The following APP variants were observed in gnomAD, a reference collection of about 807,000 sequenced individuals.
The protein encoded by APP is amyloid beta precursor protein.
APP carries 31 observed loss-of-function variants against 101.4 expected under a neutral mutation model. The observed-to-expected ratio is 0.31, with a 90% CI of 0.23 to 0.41. The LOEUF (loss-of-function observed/expected upper bound fraction) is 0.41. Ranked by LOEUF, APP falls within the 10% of genes least tolerant of loss-of-function variation. APP has a pLI of 1.00. For synonymous variants in APP, 366 were observed against 364.4 expected, an observed-to-expected ratio of 1.00 and a Z score of -0.05; for missense variants, 839 against 1,003.7, an observed-to-expected ratio of 0.84 and a Z score of 2.22.
At chr21:26,062,230 A>AACACACAC (rs55971567) in intron 3 of APP, among the ~76,000 whole-genome samples, 1,522 of 145,078 alleles carry the variant, frequency 0.01, 14 homozygotes, top group Non-Finnish European at 0.016. Flanking sequence ...CAAACAAACA[A>AACACACAC]ACACACACAC....
chr21:25,946,905 T>C (rs997950718), intron 13 of APP, among the ~76,000 whole-genome samples: 1 of 152,202 alleles, frequency 6.6e-6, no homozygotes, highest in Non-Finnish European at 1.5e-5. Context: ...CACTGAATTA[T>C]ACATATTAAG....
At chr21:26,130,717 G>A (rs1021021097) in intron 1 of APP, among the ~76,000 whole-genome samples, 1 of 152,150 alleles carries the variant, frequency 6.6e-6, no homozygotes, top group African/African-American at 2.4e-5. Flanking sequence ...TTCTAGATGC[G>A]TCAGGTCTGG....
At chr21:26,094,435 A>C (rs1357183815) in intron 2 of APP, among the ~76,000 whole-genome samples, 1 of 152,070 alleles carries the variant, frequency 6.6e-6, no homozygotes. Context: ...CAAAAAAAGA[A>C]ACAAACACGT....
chr21:25,953,651 T>C (rs1451742059), intron 13 of APP, among the ~76,000 whole-genome samples: 1 of 152,224 alleles, frequency 6.6e-6, no homozygotes, highest in African/African-American at 2.4e-5. Context: ...TATGCTTATA[T>C]TGAAAGATGC....
At chr21:26,013,967 T>C (rs983510323) in intron 6 of APP, among the ~76,000 whole-genome samples, 1 of 152,206 alleles carries the variant, frequency 6.6e-6, no homozygotes, top group African/African-American at 2.4e-5. Flanking sequence ...GTCACATCTA[T>C]GGTCAGTGCT....
intron 8 of APP, among the ~76,000 whole-genome samples, chr21:25,994,340 T>C (rs1281205811): frequency 6.6e-6 from 1 of 152,190 alleles, no homozygotes; most frequent in Non-Finnish European, 1.5e-5. Context: ...GGTTTTTTTT[T>C]AATGATTTGA....
intron 6 of APP, among the ~76,000 whole-genome samples, chr21:26,017,799 A>C (rs886084501): frequency 6.6e-6 from 1 of 152,230 alleles, no homozygotes; most frequent in African/African-American, 2.4e-5. Flanking sequence ...ATTAGGAGCA[A>C]GTATCTAAAT....
At chr21:25,973,861 A>T (rs1000904941) in intron 11 of APP, among the ~76,000 whole-genome samples, 1 of 150,938 alleles carries the variant, frequency 6.6e-6, no homozygotes, top group Non-Finnish European at 1.5e-5. Context: ...AATTGCTTAA[A>T]CCCAGGAGAC....
At chr21:25,900,987 C>CAAAAAAAAAAAAAAAAAAAA (rs71183520) in intron 15 of APP, among the ~76,000 whole-genome samples, 58 of 118,536 alleles carry the variant, frequency 4.9e-4, no homozygotes, top group East Asian at 3.8e-3. Flanking sequence ...GACTCCATCT[C>CAAAAAAAAAAAAAAAAAAAA]AAAAAAAAAA....
intron 11 of APP, among the ~76,000 whole-genome samples, chr21:25,957,874 C>G (rs1288734206): frequency 6.6e-6 from 1 of 151,946 alleles, no homozygotes; most frequent in Non-Finnish European, 1.5e-5. Flanking sequence ...GTTCCAGCTA[C>G]TTGGGAAGCT....
At chr21:25,899,116 A>AC (rs1157741769) in intron 15 of APP, among the ~76,000 whole-genome samples, 1 of 152,158 alleles carries the variant, frequency 6.6e-6, no homozygotes, top group Non-Finnish European at 1.5e-5. Context: ...GTCACTCTAT[A>AC]CCTGGCTTAC....
intron 5 of APP, among the ~76,000 whole-genome samples, chr21:26,027,261 G>C (rs999898975): frequency 2.6e-5 from 4 of 152,028 alleles, no homozygotes; most frequent in Admixed American, 6.6e-5. Flanking sequence ...TTCCTCTGTG[G>C]ATATGAAAAT....
intron 13 of APP, chr21:25,945,550 T>G (rs1167808936): frequency 1.3e-5 from 2 of 157,446 alleles, no homozygotes; most frequent in Non-Finnish European, 2.8e-5. Context: ...ACTACAAAGC[T>G]ACAATAATCA....
At chr21:26,079,851 T>C (rs1050596246) in intron 3 of APP, among the ~76,000 whole-genome samples, 78 of 152,338 alleles carry the variant, frequency 5.1e-4, no homozygotes, top group African/African-American at 1.8e-3. Context: ...AGGCCGGGAA[T>C]GGTGGCTCAC....
At chr21:26,159,815 C>T (rs893650826) in intron 1 of APP, among the ~76,000 whole-genome samples, 1 of 152,130 alleles carries the variant, frequency 6.6e-6, no homozygotes. Flanking sequence ...AGGGATGCTT[C>T]CCATCTGTGT....
chr21:25,907,611 A>G (rs1476502936), intron 14 of APP, among the ~76,000 whole-genome samples: 1 of 152,246 alleles, frequency 6.6e-6, no homozygotes, highest in Non-Finnish European at 1.5e-5. Flanking sequence ...TCTTGCTCTC[A>G]GTAGCTTTGA....
Position 26,121,205 on chromosome 21 carries a change from AT to A in APP, c.58-9060del, listed in dbSNP as rs2062561037. On this transcript the variant is annotated intron_variant, in intron 1 of 17. Coordinates refer to ENST00000346798, the MANE Select transcript of APP (RefSeq NM_000484.4). ...TTTTGCTGCATAGACCTAGCCAAAT[AT>A]GTGTAAGAGTTATGAGCTCTAGACA... is the stretch of plus-strand genomic sequence containing the variant. 2.6e-5 allele frequency among the ~76,000 whole-genome samples: 4 copies of A among 152,344 alleles called. No homozygotes were observed. The South Asian group carries it at 8.3e-4, about 32-fold the overall frequency.
At chr21:25,896,644 A>G (rs903887225) in intron 16 of APP, among the ~76,000 whole-genome samples, 5 of 152,218 alleles carry the variant, frequency 3.3e-5, no homozygotes, top group South Asian at 2.1e-4. Flanking sequence ...AGGATTTTAT[A>G]TAACTACTAG....
At chr21:26,075,580 A>G (rs911249985) in intron 3 of APP, among the ~76,000 whole-genome samples, 3 of 152,228 alleles carry the variant, frequency 2.0e-5, no homozygotes, top group Admixed American at 6.5e-5. Flanking sequence ...TAACATAATA[A>G]AAAGCTATAT....
Sources: allele counts gnomAD v4.1 joint callset (sites outside exome capture counted in the v4.1 genomes callset), GRCh38; gene constraint gnomAD v4.1.1; transcripts MANE v1.5; gene names NCBI Gene and HGNC (gene_info 2026-07-23, HGNC 2026-07-21).